Variants in APLP2 observed in about 807,000 individuals in gnomAD.
The protein encoded by APLP2 is amyloid beta precursor like protein 2.
Under a neutral mutation model 89.9 loss-of-function variants are expected in APLP2, and 53 were observed. The observed-to-expected ratio is 0.59, with a 90% CI of 0.47 to 0.74. APLP2 has a LOEUF of 0.74. APLP2 is among the 30% of genes least tolerant of loss of function. APLP2 has a pLI of 0.00. For synonymous variants in APLP2, 372 were observed against 348.6 expected (o/e 1.07, Z -0.75); for missense variants, 973 against 975.9 (o/e 1.00, Z 0.04).
intron 8 of APLP2, 94 bp downstream of exon 8, chr11:130,126,924 G>T: frequency 1.9e-6 from 3 of 1,555,626 alleles, no homozygotes; most frequent in Non-Finnish European, 1.8e-6. Flanking sequence ...TCCCTAGATT[G>T]TCATGCTGAT....
intron 16 of APLP2, among the ~76,000 whole-genome samples, chr11:130,143,041 C>T (rs1162951560): frequency 6.6e-6 from 1 of 152,164 alleles, no homozygotes; most frequent in Non-Finnish European, 1.5e-5. Flanking sequence ...CCTTGGCTGG[C>T]CCAGGTAGTA....
intron 1 of APLP2, among the ~76,000 whole-genome samples, chr11:130,102,286 T>C (rs975861890): frequency 2.0e-5 from 3 of 152,242 alleles, no homozygotes; most frequent in Non-Finnish European, 4.4e-5. Context: ...AAAAGGTTTT[T>C]GAACAAGAGC....
chr11:130,077,269 G>A (rs1477239356), intron 1 of APLP2, among the ~76,000 whole-genome samples: 4 of 152,234 alleles, frequency 2.6e-5, no homozygotes. Flanking sequence ...CTATCCAGAA[G>A]AGAATGGCTG....
At chr11:130,112,902 G>A (rs145035045) in intron 3 of APLP2, among the ~76,000 whole-genome samples, 28 of 152,248 alleles carry the variant, frequency 1.8e-4, no homozygotes, top group Non-Finnish European at 3.2e-4. Context: ...CAGGGTGGTC[G>A]TGCACCATCC....
At chr11:130,104,059 C>T (rs895248703) in intron 1 of APLP2, among the ~76,000 whole-genome samples, 1 of 152,014 alleles carries the variant, frequency 6.6e-6, no homozygotes, top group Non-Finnish European at 1.5e-5. Context: ...GCAAAGGATT[C>T]GGGGGAGAGC....
chr11:130,094,260 T>A (rs1023783828), intron 1 of APLP2, among the ~76,000 whole-genome samples: 2 of 149,850 alleles, frequency 1.3e-5, no homozygotes, highest in African/African-American at 4.9e-5. Context: ...TCCATGTTGG[T>A]CAGGCTGTTC....
At chr11:130,088,436 T>C (rs1048148619) in intron 1 of APLP2, among the ~76,000 whole-genome samples, 2 of 152,118 alleles carry the variant, frequency 1.3e-5, no homozygotes, top group African/African-American at 2.4e-5. Flanking sequence ...GAGGACTTCA[T>C]GTACAATGAA....
At chr11:130,117,847 G>A (rs1949374159) in intron 3 of APLP2, among the ~76,000 whole-genome samples, 1 of 152,074 alleles carries the variant, frequency 6.6e-6, no homozygotes, top group Admixed American at 6.5e-5. Context: ...CCGAGGCCGG[G>A]GTGGATCACA....
At chr11:130,070,671 T>C (rs779493856) in intron 1 of APLP2, 1 of 1,477,304 alleles carries the variant, frequency 6.8e-7, no homozygotes, top group South Asian at 1.3e-5. Flanking sequence ...CTCTGCCGCC[T>C]GGGGCCGGGT....
chr11:130,097,579 C>A (rs1946377945), intron 1 of APLP2, among the ~76,000 whole-genome samples: 2 of 152,076 alleles, frequency 1.3e-5, no homozygotes, highest in South Asian at 4.2e-4. Context: ...TGACTGTAGT[C>A]CCTGCTACTT....
intron 1 of APLP2, among the ~76,000 whole-genome samples, chr11:130,086,518 G>A (rs1169124473): frequency 2.0e-5 from 3 of 151,494 alleles, no homozygotes; most frequent in African/African-American, 4.8e-5. Context: ...GTTTAACTTT[G>A]ATGAATTCCA....
chr11:130,088,824 T>A (rs1944483934), intron 1 of APLP2, among the ~76,000 whole-genome samples: 1 of 152,064 alleles, frequency 6.6e-6, no homozygotes, highest in South Asian at 2.1e-4. Context: ...GACGGCCTTC[T>A]TTTTTTCACA....
intron 1 of APLP2, among the ~76,000 whole-genome samples, chr11:130,103,769 G>T (rs1947262567): frequency 6.6e-6 from 1 of 152,102 alleles, no homozygotes; most frequent in African/African-American, 2.4e-5. Context: ...AATTTAAGGG[G>T]TAAATGGTTT....
chr11:130,077,381 G>A (rs74897419), intron 1 of APLP2, among the ~76,000 whole-genome samples: 2 of 152,090 alleles, frequency 1.3e-5, no homozygotes, highest in Non-Finnish European at 2.9e-5. Context: ...TGGTAGTAAG[G>A]ATCGTTAGTA....
At chr11:130,104,475 C>T (rs551715568) in intron 1 of APLP2, among the ~76,000 whole-genome samples, 1 of 152,192 alleles carries the variant, frequency 6.6e-6, no homozygotes, top group East Asian at 1.9e-4. Flanking sequence ...GCCTCAGCCT[C>T]CCAAAGTGCT....
chr11:130,077,615 A>G (rs932157863), intron 1 of APLP2, among the ~76,000 whole-genome samples: 1 of 151,946 alleles, frequency 6.6e-6, no homozygotes, highest in Non-Finnish European at 1.5e-5. Context: ...TTAGCCTTAA[A>G]AAAAAAAACA....
At chr11:130,131,885 C>T (rs1343497970) in intron 11 of APLP2, among the ~76,000 whole-genome samples, 1 of 152,166 alleles carries the variant, frequency 6.6e-6, no homozygotes, top group Non-Finnish European at 1.5e-5. Flanking sequence ...CTCCTGTCTG[C>T]TACTTACTAC....
intron 7 of APLP2, among the ~76,000 whole-genome samples, chr11:130,124,160 A>T (rs957019118): frequency 3.3e-5 from 5 of 152,176 alleles, no homozygotes; most frequent in African/African-American, 1.2e-4. Flanking sequence ...GCTTAGAGGC[A>T]CTGAACATTC....
At position 130,135,670 on chromosome 11, in the gene APLP2, C is replaced by T. The variant is rs368052626; in HGVS notation, c.1792C>T (p.Pro598Ser). Residue 598 changes from proline (P) to serine (S), a missense_variant, in exon 13 of 17, where the codon CCG becomes TCG. Physicochemically the swap from Pro to Ser is moderately conservative, Grantham distance 74. Coordinates refer to ENST00000338167, the MANE Select transcript of APLP2 (RefSeq NM_001142276.2). ...CTCTGAGGAGAGTGAGGAGATCCCACCGTTCCACCCCTTCCACCCCTTCCC... is the reference window on the plus strand; with the variant it reads ...CTCTGAGGAGAGTGAGGAGATCCCATCGTTCCACCCCTTCCACCCCTTCCC... The part of the protein sequence containing the change: ...VSSEESEEIP[P>S]FHPFHPFPAL... 58 of 1,613,900 alleles carry T rather than the reference C, an allele frequency of 3.6e-5. No homozygotes were observed. Among genetic ancestry groups the T allele is most frequent in the Non-Finnish European group, 4.5e-5 (53 of 1,180,018 alleles).
Sources: allele counts gnomAD v4.1 joint callset (sites outside exome capture counted in the v4.1 genomes callset), GRCh38; gene constraint gnomAD v4.1.1; transcripts MANE v1.5; gene names NCBI Gene and HGNC (gene_info 2026-07-23, HGNC 2026-07-21).